The following FSTL4 variants were observed in gnomAD, a reference collection of about 807,000 sequenced individuals.
FSTL4 encodes the protein follistatin like 4, also known as follistatin-related protein 4.
In FSTL4, 28 loss-of-function variants were observed where a neutral mutation model predicts 78.2. The ratio of observed to expected loss-of-function variants is 0.36; its 90% CI spans 0.27 to 0.49. The LOEUF is 0.49. Among genes scored for constraint, FSTL4 ranks in the 20% least tolerant of loss-of-function variants. The probability of loss-of-function intolerance (pLI) is 0.98; values close to 1 mark genes in which losing one functional copy is unlikely to be tolerated. For missense variants in FSTL4, 922 were observed against 1,084.9 expected, an observed-to-expected ratio of 0.85 and a Z score of 2.11; for synonymous variants, 422 against 440.5, an observed-to-expected ratio of 0.96 and a Z score of 0.53.
chr5:133,743,955 C>T, the FSTL4 span, among the ~76,000 whole-genome samples: 1 of 152,234 alleles, frequency 6.6e-6, no homozygotes, highest in East Asian at 1.9e-4. Context: ...AATGTTTCTA[C>T]TCCCTGCCAG....
At chr5:133,792,388 C>A in the FSTL4 span, among the ~76,000 whole-genome samples, 128 of 152,358 alleles carry the variant, frequency 8.4e-4, no homozygotes, top group Middle Eastern at 0.017. Context: ...TGAGCAATTT[C>A]TTGCTCAAAG....
At chr5:133,824,120 TG>T in the FSTL4 span, among the ~76,000 whole-genome samples, 1 of 152,142 alleles carries the variant, frequency 6.6e-6, no homozygotes, top group Non-Finnish European at 1.5e-5. Flanking sequence ...ATTCTGTAGG[TG>T]ATTCTCTAGC....
In FSTL4 at chr5:133,225,946, C is replaced by T; in HGVS notation, c.1016-127G>A. ...TAGGTGACTGGAGTTCTGTGTTTAACCAAATTATAATAATCCTGTCCAGCA... is the reference window on the plus strand; with the variant it reads ...TAGGTGACTGGAGTTCTGTGTTTAATCAAATTATAATAATCCTGTCCAGCA... On this transcript the variant is annotated intron_variant, in intron 8 of 15. Coordinates refer to ENST00000265342, the MANE Select transcript of FSTL4 (RefSeq NM_015082.2). The surrounding 1 kb of genome is among the most constrained non-coding windows in gnomAD (Gnocchi z 4.6). 3.3e-6 allele frequency: 2 copies of T among 601,948 alleles called. No homozygotes were observed. Among genetic ancestry groups the T allele is most frequent in the South Asian group, 3.2e-5 (1 of 31,112 alleles). The allele number at this position is 601,948 out of a possible 1,614,324, so 37.3% of individuals were successfully genotyped here. A position where few individuals can be genotyped will look rare whatever the true frequency, so the allele number is the denominator to read the frequency against.
chr5:133,695,155 A>T, the FSTL4 span, among the ~76,000 whole-genome samples: 1 of 152,088 alleles, frequency 6.6e-6, no homozygotes, highest in Non-Finnish European at 1.5e-5. Flanking sequence ...AACCCTCTTT[A>T]TTAGCCACTG....
chr5:133,792,888 A>T, the FSTL4 span, among the ~76,000 whole-genome samples: 1 of 152,218 alleles, frequency 6.6e-6, no homozygotes, highest in Non-Finnish European at 1.5e-5. Context: ...AGAGAGCACA[A>T]TGATGCTGTA....
chr5:133,689,376 AG>A, the FSTL4 span, among the ~76,000 whole-genome samples: 1 of 152,252 alleles, frequency 6.6e-6, no homozygotes, highest in African/African-American at 2.4e-5. Context: ...ATATAAGTTT[AG>A]AAAACATTGC....
At chr5:133,356,737 A>G (rs1580645579) in intron 4 of FSTL4, among the ~76,000 whole-genome samples, 1 of 152,252 alleles carries the variant, frequency 6.6e-6, no homozygotes, top group Non-Finnish European at 1.5e-5. Flanking sequence ...TGTGGTGTGA[A>G]GCATGGCTGC....
At chr5:133,357,368 C>G (rs1253935465) in intron 4 of FSTL4, among the ~76,000 whole-genome samples, 2 of 152,138 alleles carry the variant, frequency 1.3e-5, no homozygotes, top group Non-Finnish European at 2.9e-5. Flanking sequence ...GCCCCCAAGG[C>G]AGAAGCTCCT....
intron 7 of FSTL4, among the ~76,000 whole-genome samples, chr5:133,241,199 G>A (rs1309208897): frequency 4.6e-5 from 7 of 152,230 alleles, no homozygotes; most frequent in Non-Finnish European, 7.3e-5. Flanking sequence ...ACTTTAATCT[G>A]TACTCTTTTT....
chr5:133,670,518 C>T, the FSTL4 span, among the ~76,000 whole-genome samples: 5 of 152,346 alleles, frequency 3.3e-5, no homozygotes, highest in East Asian at 3.9e-4. Flanking sequence ...ATACTTTTCA[C>T]CCCAGAGTTG....
chr5:133,282,779 G>C (rs1185022513), intron 6 of FSTL4, among the ~76,000 whole-genome samples: 1 of 152,182 alleles, frequency 6.6e-6, no homozygotes, highest in Non-Finnish European at 1.5e-5. Context: ...TGAACCAGGG[G>C]TTTGTCACCC....
intron 4 of FSTL4, among the ~76,000 whole-genome samples, chr5:133,396,444 C>T (rs868661026): frequency 2.0e-5 from 3 of 152,142 alleles, no homozygotes; most frequent in Admixed American, 2.0e-4. Flanking sequence ...CCACAGGCCC[C>T]AGCACCTCTT....
At chr5:133,339,093 C>A (rs1754531112) in intron 4 of FSTL4, among the ~76,000 whole-genome samples, 1 of 152,154 alleles carries the variant, frequency 6.6e-6, no homozygotes, top group Non-Finnish European at 1.5e-5. Context: ...ACTCACACAC[C>A]CGTTCTGGCG....
the FSTL4 span, among the ~76,000 whole-genome samples, chr5:133,783,551 A>G: frequency 6.6e-6 from 1 of 152,222 alleles, no homozygotes; most frequent in South Asian, 2.1e-4. Context: ...AAACGGTGGA[A>G]TCTCTTGCCT....
chr5:133,772,713 T>C, the FSTL4 span, among the ~76,000 whole-genome samples: 1 of 152,248 alleles, frequency 6.6e-6, no homozygotes, highest in Non-Finnish European at 1.5e-5. Context: ...AATCCACTCC[T>C]GCAATAACAA....
intron 3 of FSTL4, among the ~76,000 whole-genome samples, chr5:133,452,566 A>G (rs1757406253): frequency 1.3e-5 from 2 of 152,258 alleles, no homozygotes; most frequent in Admixed American, 6.5e-5. Flanking sequence ...AGAGGTGCAC[A>G]TGTATTAACT....
At chr5:133,820,926 T>C in the FSTL4 span, among the ~76,000 whole-genome samples, 2 of 152,250 alleles carry the variant, frequency 1.3e-5, no homozygotes, top group Non-Finnish European at 2.9e-5. Context: ...TTCTAATAAA[T>C]AAGCTGCTAT....
chr5:133,305,498 ATCCAC>A (rs1474605462), intron 6 of FSTL4, among the ~76,000 whole-genome samples: 1 of 152,116 alleles, frequency 6.6e-6, no homozygotes, highest in Non-Finnish European at 1.5e-5. Context: ...GCGTTCAGGT[ATCCAC>A]TCCGATGTCC....
At chr5:133,357,092 G>A (rs1050698252) in intron 4 of FSTL4, among the ~76,000 whole-genome samples, 2 of 152,176 alleles carry the variant, frequency 1.3e-5, no homozygotes, top group East Asian at 3.9e-4. Context: ...GACAGACCCC[G>A]GGCAGGGACC....
Sources: gnomAD v4.1 joint callset for allele counts (sites outside exome capture counted in the v4.1 genomes callset) on GRCh38, gnomAD v4.1.1 for gene constraint, Gnocchi (gnomAD v3.1) non-coding constraint, MANE v1.5 for transcripts, NCBI Gene and HGNC (gene_info 2026-07-23, HGNC 2026-07-21) for gene names.